The following TAFA4 variants were observed in gnomAD, a reference collection of about 807,000 sequenced individuals.
The protein encoded by TAFA4 is chemokine-like protein TAFA-4.
TAFA4 carries 20 observed loss-of-function variants against 21.1 expected under a neutral mutation model. That is an observed-to-expected ratio of 0.95 (90% CI 0.67 to 1.38). The LOEUF (loss-of-function observed/expected upper bound fraction) is 1.38. Ranked by LOEUF, TAFA4 falls within the 40% of genes most tolerant of loss-of-function variation. The probability of loss-of-function intolerance (pLI) is 0.00; values close to 1 mark genes in which losing one functional copy is unlikely to be tolerated. For missense variants in TAFA4, 211 were observed against 180.9 expected (o/e 1.17, Z -0.95); for synonymous variants, 71 against 67.4 (o/e 1.05, Z -0.26).
intron 3 of TAFA4, among the ~76,000 whole-genome samples, chr3:68,775,830 C>T (rs1342600747): frequency 6.6e-6 from 1 of 152,114 alleles, no homozygotes; most frequent in East Asian, 1.9e-4. Flanking sequence ...GACCTGTTTC[C>T]TGTCATAAAT....
chr3:68,783,671 C>CAGAGAGAGAG (rs796524736), intron 3 of TAFA4, among the ~76,000 whole-genome samples: 293 of 96,152 alleles, frequency 3.0e-3, no homozygotes, highest in South Asian at 5.0e-3. Flanking sequence ...GACACACACA[C>CAGAGAGAGAG]ACAGAGAGAG....
intron 5 of TAFA4, among the ~76,000 whole-genome samples, chr3:68,737,255 A>T (rs959603674): frequency 3.9e-5 from 6 of 152,216 alleles, no homozygotes; most frequent in Admixed American, 6.5e-5. Context: ...ATTAGGAAAA[A>T]ATAGCTGAAA....
At chr3:68,770,204 A>G (rs1575601831) in intron 3 of TAFA4, among the ~76,000 whole-genome samples, 1 of 152,220 alleles carries the variant, frequency 6.6e-6, no homozygotes, top group Non-Finnish European at 1.5e-5. Flanking sequence ...AATTCTTGGG[A>G]AAAACACTTT....
chr3:68,736,003 T>C (rs927365822), intron 5 of TAFA4, among the ~76,000 whole-genome samples: 4 of 152,028 alleles, frequency 2.6e-5, no homozygotes, highest in African/African-American at 9.7e-5. Flanking sequence ...AGGGGCAAAA[T>C]TGTCTCTGGT....
intron 3 of TAFA4, among the ~76,000 whole-genome samples, chr3:68,811,260 G>A (rs1703831421): frequency 6.6e-6 from 1 of 152,160 alleles, no homozygotes; most frequent in Non-Finnish European, 1.5e-5. Flanking sequence ...CTAAAAATCA[G>A]AGTACCTCTC....
chr3:68,770,245 C>T (rs1241060441), intron 3 of TAFA4, among the ~76,000 whole-genome samples: 1 of 152,178 alleles, frequency 6.6e-6, no homozygotes, highest in Non-Finnish European at 1.5e-5. Flanking sequence ...AAAAACATGA[C>T]TGCTTTAGGA....
intron 3 of TAFA4, among the ~76,000 whole-genome samples, chr3:68,789,148 G>A (rs1703317670): frequency 6.6e-6 from 1 of 151,618 alleles, no homozygotes; most frequent in South Asian, 2.1e-4. Context: ...GGAGAATGGT[G>A]TGAACCTGGG....
chr3:68,858,634 T>C (rs751984238), intron 3 of TAFA4, among the ~76,000 whole-genome samples: 8 of 150,892 alleles, frequency 5.3e-5, no homozygotes, highest in Non-Finnish European at 1.2e-4. Flanking sequence ...TGCATTCACA[T>C]AGATGCAAGT....
intron 3 of TAFA4, among the ~76,000 whole-genome samples, chr3:68,849,936 T>C (rs1704904765): frequency 6.6e-6 from 1 of 152,200 alleles, no homozygotes; most frequent in African/African-American, 2.4e-5. Context: ...TGAGGTATAA[T>C]TGACAGTAAA....
At chr3:68,799,750 G>A (rs912719193) in intron 3 of TAFA4, among the ~76,000 whole-genome samples, 2 of 152,038 alleles carry the variant, frequency 1.3e-5, no homozygotes, top group African/African-American at 4.8e-5. Flanking sequence ...GGGGCAAAGA[G>A]ATCGTGTCTC....
At chr3:68,734,199 C>A (rs1553713580) in intron 5 of TAFA4, among the ~76,000 whole-genome samples, 4 of 152,066 alleles carry the variant, frequency 2.6e-5, no homozygotes, top group Non-Finnish European at 5.9e-5. Context: ...TTCATGCATT[C>A]TGAAATATTC....
intron 4 of TAFA4, among the ~76,000 whole-genome samples, chr3:68,741,537 G>A (rs1171352336): frequency 5.3e-5 from 8 of 152,122 alleles, no homozygotes; most frequent in Non-Finnish European, 1.2e-4. Context: ...ACTCATGCCT[G>A]TAATCCCAGC....
intron 1 of TAFA4, among the ~76,000 whole-genome samples, chr3:68,896,785 C>T (rs62256112): frequency 0.28 from 42,995 of 152,170 alleles, 7,460 homozygotes; most frequent in Middle Eastern, 0.41. Context: ...CTCAGACACT[C>T]CATGTGGGAG....
chr3:68,818,317 T>C (rs930010831), intron 3 of TAFA4, among the ~76,000 whole-genome samples: 3 of 152,084 alleles, frequency 2.0e-5, no homozygotes, highest in African/African-American at 7.2e-5. Flanking sequence ...GTTACTAGAG[T>C]GTTGAGGCTG....
intron 1 of TAFA4, among the ~76,000 whole-genome samples, chr3:68,919,208 G>T (rs991226249): frequency 6.6e-6 from 1 of 152,212 alleles, no homozygotes; most frequent in Non-Finnish European, 1.5e-5. Flanking sequence ...GTTAATGGCT[G>T]TATTTACATA....
intron 1 of TAFA4, among the ~76,000 whole-genome samples, chr3:68,890,989 T>C (rs899398860): frequency 2.0e-5 from 3 of 152,180 alleles, no homozygotes; most frequent in Non-Finnish European, 2.9e-5. Context: ...TGCTACAGAT[T>C]TATTAAAGGT....
At position 68,870,098 on chromosome 3, in the gene TAFA4, C is replaced by G. The variant is rs181240410; in HGVS notation, c.130+10632G>C. Among the ~76,000 whole-genome samples the G allele has an allele frequency of 3.5e-3, 530 of 151,964 alleles. 2 individuals carry two copies. The highest frequency in any genetic ancestry group is 0.012 in the African/African-American group (511 of 41,500). On this transcript the variant is annotated intron_variant, in intron 3 of 5. Transcript: ENST00000295569. ...GTAATCAAGGCACCAACATCATTTA[C>G]AATAGACACAAGGAATATAAAATAC...
chr3:68,762,910 T>C (rs1035024544), intron 3 of TAFA4, among the ~76,000 whole-genome samples: 2 of 152,234 alleles, frequency 1.3e-5, no homozygotes, highest in Non-Finnish European at 2.9e-5. Context: ...TGGTGGCACA[T>C]GCCTGAAATC....
rs368293851 is a variant in TAFA4, at chr3:68,841,330, A to T, written c.130+39400T>A. Among the ~76,000 whole-genome samples the T allele has an allele frequency of 1.2e-3, 186 of 150,430 alleles. 36 individuals carry two copies. Among genetic ancestry groups the T allele is most frequent in the South Asian group, 5.7e-3 (27 of 4,704 alleles). On this transcript the variant is annotated intron_variant, in intron 3 of 5. Transcript: ENST00000295569. ...AGAGCGAGACTCCGTCTCAAAAAAA[A>T]AAAAAATAAAAAAAAATAAAATCCA...
Sources: gnomAD v4.1 joint callset for allele counts (sites outside exome capture counted in the v4.1 genomes callset) on GRCh38, gnomAD v4.1.1 for gene constraint, MANE v1.5 for transcripts, NCBI Gene and HGNC (gene_info 2026-07-23, HGNC 2026-07-21) for gene names.